FGF13: variants seen among roughly 807,000 people sequenced by gnomAD.
The protein encoded by FGF13 is fibroblast growth factor 13.
In FGF13, 2 loss-of-function variants were observed where a neutral mutation model predicts 19.5. That is an observed-to-expected ratio of 0.10 (90% CI 0.04 to 0.32). The LOEUF (loss-of-function observed/expected upper bound fraction) is 0.32, where lower values mean the gene tolerates loss of function less well. Among genes scored for constraint, FGF13 ranks in the 10% least tolerant of loss-of-function variants. FGF13 has a pLI of 1.00. For missense variants in FGF13, 113 were observed against 192.7 expected, an observed-to-expected ratio of 0.59 and a Z score of 2.45; for synonymous variants, 72 against 76.9, an observed-to-expected ratio of 0.94 and a Z score of 0.33.
intron 3 of FGF13, among the ~76,000 whole-genome samples, chrX:138,664,808 A>G (rs2089524743): frequency 9.0e-6 from 1 of 111,283 alleles, no homozygotes; most frequent in African/African-American, 3.3e-5. Context: ...ATAGCCAACA[A>G]TGGTCTGATT....
chrX:139,084,993 T>C (rs2083394730), intron 1 of FGF13, among the ~76,000 whole-genome samples: 1 of 111,669 alleles, frequency 9.0e-6, no homozygotes, highest in South Asian at 3.7e-4. Context: ...CACTCTAGTC[T>C]TACTTTGGGA....
At chrX:138,697,671 T>C (rs2089908861) in intron 3 of FGF13, among the ~76,000 whole-genome samples, 2 of 111,275 alleles carry the variant, frequency 1.8e-5, no homozygotes, top group Non-Finnish European at 3.8e-5. Flanking sequence ...AGTAATTATA[T>C]GGGTAGAACT....
At chrX:139,109,596 G>A (rs752313540) in intron 1 of FGF13, among the ~76,000 whole-genome samples, 4 of 111,148 alleles carry the variant, frequency 3.6e-5, no homozygotes, top group Non-Finnish European at 5.7e-5. Flanking sequence ...ACTCACCAGC[G>A]GAGCGACCAC....
Position 138,711,512 on chromosome X carries a change from G to T in FGF13, c.-509C>A. Reference sequence around the variant, plus strand: ...GGGACGAGGCAGCGCGCGGGGGAGCGCGCCCTCGCCCTGGCCCCTCCGAGT... The same window carrying T: ...GGGACGAGGCAGCGCGCGGGGGAGCTCGCCCTCGCCCTGGCCCCTCCGAGT... On this transcript the variant is annotated 5_prime_UTR_variant, in exon 1 of 5. Coordinates refer to ENST00000315930, the MANE Select transcript of FGF13 (RefSeq NM_004114.5). 1 of 755,819 alleles carries T rather than the reference G, an allele frequency of 1.3e-6. No homozygotes were observed. Among genetic ancestry groups the T allele is most frequent in the Non-Finnish European group, 1.6e-6 (1 of 639,604 alleles). The allele number at this position is 755,819 out of a possible 1,213,427, so 62.3% of individuals were successfully genotyped here.
At chrX:138,903,782 G>A (rs2091543946) in intron 1 of FGF13, among the ~76,000 whole-genome samples, 1 of 111,657 alleles carries the variant, frequency 9.0e-6, no homozygotes, top group African/African-American at 3.3e-5. Flanking sequence ...AAATTACCTT[G>A]CATATTTGCT....
intron 1 of FGF13, among the ~76,000 whole-genome samples, chrX:139,048,359 A>G (rs150740938): frequency 0.021 from 2,382 of 111,112 alleles, 93 homozygotes; most frequent in African/African-American, 0.074. Flanking sequence ...ACTCTCATTT[A>G]CATTAAATTT....
intron 3 of FGF13, among the ~76,000 whole-genome samples, chrX:138,816,867 G>A (rs2090965137): frequency 1.8e-5 from 2 of 111,834 alleles, no homozygotes; most frequent in Admixed American, 9.4e-5. Context: ...CCAAAAGATG[G>A]GACATCCCTG....
chrX:139,103,611 G>A (rs1461115126), intron 1 of FGF13, among the ~76,000 whole-genome samples: 1 of 112,079 alleles, frequency 8.9e-6, no homozygotes, highest in East Asian at 2.8e-4. Context: ...ACTGACTGTG[G>A]TAATGGTGGC....
intron 1 of FGF13, among the ~76,000 whole-genome samples, chrX:138,901,799 A>T (rs192037090): frequency 8.9e-6 from 1 of 112,228 alleles, no homozygotes; most frequent in East Asian, 2.8e-4. Context: ...GCTTATAAAA[A>T]CTTCACTAAA....
intron 3 of FGF13, among the ~76,000 whole-genome samples, chrX:138,850,178 C>G (rs1372546524): frequency 9.0e-6 from 1 of 111,430 alleles, no homozygotes; most frequent in African/African-American, 3.3e-5. Flanking sequence ...AGCCTCCAGC[C>G]TAGAGACTGA....
At chrX:138,634,194 T>A (rs1282246396) in intron 4 of FGF13, among the ~76,000 whole-genome samples, 1 of 112,033 alleles carries the variant, frequency 8.9e-6, no homozygotes, top group East Asian at 2.8e-4. Context: ...ACACACATTT[T>A]TTTTTTCTTT....
At chrX:138,879,983 A>T (rs145013285) in intron 1 of FGF13, among the ~76,000 whole-genome samples, 11,433 of 111,934 alleles carry the variant, frequency 0.1, 1,423 homozygotes, top group African/African-American at 0.35. Flanking sequence ...CAAATTTACA[A>T]GAAAAAAACA....
At position 139,073,490 on chromosome X, in the gene FGF13, C is replaced by T. The variant is rs777666185; in HGVS notation, c.-113+129926G>A. Among the ~76,000 whole-genome samples the T allele has an allele frequency of 2.1e-3, 236 of 111,715 alleles. 1 individual carries two copies. The highest frequency in any genetic ancestry group is 3.0e-3 in the Non-Finnish European group (161 of 53,118). On this transcript the variant is annotated intron_variant, in intron 1 of 2. Transcript: ENST00000421460. ...CTTTGAATCACCCCTATTTCACTCA[C>T]TCTTTTCCCTTTCTTAAGGTGTTAA...
At chrX:138,755,642 A>C (rs1280107936) in intron 3 of FGF13, among the ~76,000 whole-genome samples, 2 of 112,557 alleles carry the variant, frequency 1.8e-5, no homozygotes, top group African/African-American at 6.5e-5. Flanking sequence ...AATCACCCTG[A>C]ACTGTGAAAC....
At chrX:138,785,981 G>A (rs1410460776) in intron 3 of FGF13, among the ~76,000 whole-genome samples, 2 of 111,835 alleles carry the variant, frequency 1.8e-5, no homozygotes, top group Non-Finnish European at 3.8e-5. Context: ...TTCTTTCTAA[G>A]TCCTTCTGAC....
chrX:138,984,687 A>G (rs866775343), intron 1 of FGF13, among the ~76,000 whole-genome samples: 2 of 36,690 alleles, frequency 5.5e-5, no homozygotes, highest in African/African-American at 9.8e-5. Flanking sequence ...GGAGAAGAAG[A>G]AGGAGGAGAA....
chrX:138,893,518 A>G (rs184579558), intron 1 of FGF13, among the ~76,000 whole-genome samples: 1 of 111,209 alleles, frequency 9.0e-6, no homozygotes, highest in African/African-American at 3.3e-5. Context: ...GAGTCACCTA[A>G]TAAATGACAA....
chrX:138,890,981 T>G (rs1335761311), intron 1 of FGF13, among the ~76,000 whole-genome samples: 2 of 111,978 alleles, frequency 1.8e-5, no homozygotes, highest in East Asian at 5.6e-4. Context: ...TAAAATACCA[T>G]AGACTGAGTG....
At chrX:138,924,267 C>A (rs1016520937) in intron 1 of FGF13, among the ~76,000 whole-genome samples, 10 of 111,746 alleles carry the variant, frequency 8.9e-5, no homozygotes, top group Non-Finnish European at 1.9e-4. Flanking sequence ...TGCCTTTTTT[C>A]TCCATCTCTC....
Sources: gnomAD v4.1 joint callset for allele counts (sites outside exome capture counted in the v4.1 genomes callset) on GRCh38, gnomAD v4.1.1 for gene constraint, MANE v1.5 for transcripts, NCBI Gene and HGNC (gene_info 2026-07-23, HGNC 2026-07-21) for gene names.